The following CNTNAP3 variants were observed in gnomAD, a reference collection of about 807,000 sequenced individuals.
The protein encoded by CNTNAP3 is contactin-associated protein-like 3.
CNTNAP3 carries 36 observed loss-of-function variants against 92.1 expected under a neutral mutation model. The observed-to-expected ratio is 0.39, with a 90% CI of 0.30 to 0.52. The LOEUF (loss-of-function observed/expected upper bound fraction) is 0.52. Among genes scored for constraint, CNTNAP3 ranks in the 20% least tolerant of loss-of-function variants. CNTNAP3 has a pLI of 0.76. For synonymous variants in CNTNAP3, 232 were observed against 422.3 expected, an observed-to-expected ratio of 0.55 and a Z score of 5.53; for missense variants, 534 against 1,069.6, an observed-to-expected ratio of 0.50 and a Z score of 6.98.
At position 39,109,089 on chromosome 9, in the gene CNTNAP3, G is replaced by A. The variant is rs1826677768; in HGVS notation, c.2365+71C>T. 3 of 1,537,406 alleles carry A rather than the reference G, an allele frequency of 2.0e-6. No homozygotes were observed. In the Admixed American group the frequency reaches 5.9e-5, roughly 30 times the overall value. On this transcript the variant is annotated intron_variant, in intron 15 of 23. Transcript: ENST00000297668. ...CTATTCTCTTTCTGGCAAGAACAAG[G>A]GCATTTGTCTACTCTTTTATAACCA... is the stretch of plus-strand genomic sequence containing the variant.
At chr9:39,104,477 TACACAC>T (rs60068368) in intron 15 of CNTNAP3, among the ~76,000 whole-genome samples, 1,622 of 123,158 alleles carry the variant, frequency 0.013, 13 homozygotes, top group African/African-American at 0.031. Flanking sequence ...CACATACACA[TACACAC>T]ACACACACAC....
In CNTNAP3 at chr9:39,066,613, G is replaced by A. The variant is rs1286626622; in HGVS notation, c.*7277C>T. On this transcript the variant is annotated 3_prime_UTR_variant, in exon 24 of 24. Coordinates refer to ENST00000297668, the MANE Select transcript of CNTNAP3 (RefSeq NM_033655.5). ...TTGTTTCATCCTTTCTTGAAAGACG[G>A]TTTTGCTGGGTATAGAAACCTAGGA... 6.6e-6 allele frequency among the ~76,000 whole-genome samples: 1 copy of A among 152,358 alleles called. No individual in the cohort carries two copies. The highest frequency in any genetic ancestry group is 1.9e-4 in the East Asian group (1 of 5,194).
intron 19 of CNTNAP3, among the ~76,000 whole-genome samples, chr9:39,088,017 T>C (rs1259898290): frequency 6.6e-6 from 1 of 152,206 alleles, no homozygotes; most frequent in African/African-American, 2.4e-5. Flanking sequence ...AGGAATTGGC[T>C]TTTATATAGT....
intron 23 of CNTNAP3, among the ~76,000 whole-genome samples, chr9:39,075,070 T>A (rs1825723309): frequency 1.3e-5 from 2 of 152,274 alleles, no homozygotes; most frequent in South Asian, 4.1e-4. Flanking sequence ...GCCCGGCCGA[T>A]AATATACTTC....
At position 39,149,941 on chromosome 9, in the gene CNTNAP3, C is replaced by G; in HGVS notation, c.1514G>C (p.Ser505Thr). 6.2e-7 allele frequency: 1 copy of G among 1,611,776 alleles called. No homozygotes were observed. The highest frequency in any genetic ancestry group is 1.1e-5 in the South Asian group (1 of 90,974). ...GCAGCCCTGAAACCCTCCCAGGGGG[C>G]TTTTACATCCAGAGCCAGAGCTGTT... The part of the protein sequence containing the change: ...LDNSSGSGCK[S>T]PLGGFQGCLR... Residue 505 changes from serine to threonine, a missense_variant, in exon 10 of 24, where the codon AGC becomes ACC. Physicochemically the swap from Ser to Thr is moderately conservative, Grantham distance 58. Coordinates refer to ENST00000297668, the MANE Select transcript of CNTNAP3 (RefSeq NM_033655.5).
chr9:39,136,167 A>C (rs1821428622), intron 12 of CNTNAP3, among the ~76,000 whole-genome samples: 1 of 145,266 alleles, frequency 6.9e-6, no homozygotes, highest in Non-Finnish European at 1.5e-5. Context: ...TAATAATAAA[A>C]ATAATAGTTG....
At chr9:39,130,289 G>A (rs1055729481) in intron 13 of CNTNAP3, among the ~76,000 whole-genome samples, 36 of 151,842 alleles carry the variant, frequency 2.4e-4, no homozygotes, top group Non-Finnish European at 4.1e-4. Context: ...CCATGCCACC[G>A]ATTGCTAATC....
At chr9:39,122,246 T>G (rs1188834005) in intron 13 of CNTNAP3, among the ~76,000 whole-genome samples, 15 of 152,190 alleles carry the variant, frequency 9.9e-5, no homozygotes, top group African/African-American at 3.6e-4. Flanking sequence ...TCCCAGCTAC[T>G]CGGGAGGCTG....
chr9:39,132,979 T>C lies in CNTNAP3; in HGVS notation c.2033A>G (p.Gln678Arg). ...CGTCCCGCAGCGCAGAGCCAGCCGC[T>C]GCTCGCAGCGCTCCGCCAGGTTCAC... is the stretch of plus-strand genomic sequence containing the variant. ...SAVNLAERCE[Q>R]RLALRCGTAR... is the part of the protein sequence containing the mutation. Residue 678 changes from glutamine (Q) to arginine (R), a missense_variant, in exon 13 of 24, where the codon CAG becomes CGG. Physicochemically the swap from Gln to Arg is conservative, Grantham distance 43. Coordinates refer to ENST00000297668, the MANE Select transcript of CNTNAP3 (RefSeq NM_033655.5). The C allele has an allele frequency of 6.5e-7, 1 of 1,543,548 alleles. No individual in the cohort carries two copies. The highest frequency in any genetic ancestry group is 8.7e-7 in the Non-Finnish European group (1 of 1,153,948).
Position 39,253,226 on chromosome 9 carries a change from T to C in CNTNAP3, c.196+13670A>G, listed in dbSNP as rs866454523. 2.3e-3 allele frequency among the ~76,000 whole-genome samples: 37 copies of C among 15,872 alleles called. 11 individuals carry two copies. Among genetic ancestry groups the C allele is most frequent in the African/African-American group, 4.1e-3 (35 of 8,618 alleles). The allele number at this position is 15,872 out of a possible 152,430, so 10.4% of individuals were successfully genotyped here. On this transcript the variant is annotated intron_variant, in intron 2 of 23. Transcript: ENST00000297668. ...TACACAGTACATACACACACACAGA[T>C]ATATACATATGTGTTGTGTATTTAT...
chr9:39,251,245 G>C (rs1587758222), intron 2 of CNTNAP3, among the ~76,000 whole-genome samples: 1 of 5,294 alleles, frequency 1.9e-4, no homozygotes, highest in African/African-American at 2.0e-4. Flanking sequence ...GTGGGTGCTT[G>C]TAATCTCAGC....
intron 13 of CNTNAP3, among the ~76,000 whole-genome samples, chr9:39,124,928 A>G (rs1821122002): frequency 6.6e-6 from 1 of 152,102 alleles, no homozygotes. Context: ...AACTAGTTCA[A>G]CCATTGTGGA....
intron 9 of CNTNAP3, among the ~76,000 whole-genome samples, chr9:39,153,582 CAG>C (rs530004086): frequency 7.2e-4 from 20 of 27,866 alleles, no homozygotes; most frequent in African/African-American, 2.8e-3. Flanking sequence ...TCTTTCTTGA[CAG>C]AGTCTCACTC....
chr9:39,081,453 T>TC (rs997757940), intron 21 of CNTNAP3, among the ~76,000 whole-genome samples: 5 of 150,700 alleles, frequency 3.3e-5, no homozygotes, highest in Admixed American at 6.6e-5. Context: ...TCTATTCTGT[T>TC]CCATCAAAGC....
intron 23 of CNTNAP3, among the ~76,000 whole-genome samples, chr9:39,074,685 A>C (rs1825706337): frequency 1.3e-5 from 2 of 152,232 alleles, no homozygotes; most frequent in Non-Finnish European, 2.9e-5. Flanking sequence ...TGTTTGCATC[A>C]TCATAGATCA....
chr9:39,081,718 C>T (rs1160336024), intron 21 of CNTNAP3, among the ~76,000 whole-genome samples: 4 of 151,854 alleles, frequency 2.6e-5, no homozygotes, highest in East Asian at 1.9e-4. Context: ...AAGGAAAAAA[C>T]GACTAGATAA....
At chr9:39,093,788 T>G (rs1412180934) in intron 18 of CNTNAP3, among the ~76,000 whole-genome samples, 5 of 151,596 alleles carry the variant, frequency 3.3e-5, no homozygotes, top group Non-Finnish European at 1.5e-5. Flanking sequence ...ACTTGTATTA[T>G]TTCCACTATT....
chr9:39,133,097 C>T lies in CNTNAP3; in HGVS notation c.1915G>A (p.Asp639Asn). Residue 639 changes from aspartate (D) to asparagine (N), a missense_variant, in exon 13 of 24, where the codon GAC becomes AAC. By Grantham distance (23) the Asp-to-Asn change is conservative (BLOSUM62 1). Transcript: ENST00000297668. Reference protein sequence around the residue: ...AWTVVQHGGPDAVTLRGAPSG... With the variant: ...AWTVVQHGGPNAVTLRGAPSG... Reference sequence around the variant, plus strand: ...GGGGCACCTCGGAGGGTCACCGCGTCGGGGCCACCGTGCTGCACCACCGTC... The same window carrying T: ...GGGGCACCTCGGAGGGTCACCGCGTTGGGGCCACCGTGCTGCACCACCGTC... The T allele has an allele frequency of 6.4e-7, 1 of 1,572,520 alleles. No homozygotes were observed. The highest frequency in any genetic ancestry group is 8.6e-7 in the Non-Finnish European group (1 of 1,165,384).
intron 10 of CNTNAP3, among the ~76,000 whole-genome samples, chr9:39,148,353 T>C (rs1253662272): frequency 1.3e-5 from 2 of 152,210 alleles, no homozygotes; most frequent in Non-Finnish European, 2.9e-5. Context: ...GAATGAACTT[T>C]TCATTTAGTA....
Sources: gnomAD v4.1 joint callset for allele counts (sites outside exome capture counted in the v4.1 genomes callset) on GRCh38, gnomAD v4.1.1 for gene constraint, MANE v1.5 for transcripts, NCBI Gene and HGNC (gene_info 2026-07-23, HGNC 2026-07-21) for gene names.